The following ALDH1L1 variants were observed in gnomAD, a reference collection of about 807,000 sequenced individuals.
The protein encoded by ALDH1L1 is aldehyde dehydrogenase 1 family member L1, also known as cytosolic 10-formyltetrahydrofolate dehydrogenase.
ALDH1L1 carries 68 observed loss-of-function variants against 101.1 expected under a neutral mutation model. The ratio of observed to expected loss-of-function variants is 0.67; its 90% CI spans 0.55 to 0.82. ALDH1L1 has a LOEUF of 0.82. ALDH1L1 is among the 40% of genes least tolerant of loss of function. The pLI is 0.00. For synonymous variants in ALDH1L1, 486 were observed against 470.8 expected (o/e 1.03, Z -0.42); for missense variants, 1,087 against 1,172.7 (o/e 0.93, Z 1.07).
intron 1 of ALDH1L1, among the ~76,000 whole-genome samples, chr3:126,164,348 G>T (rs1453257565): frequency 6.6e-6 from 1 of 152,194 alleles, no homozygotes; most frequent in Non-Finnish European, 1.5e-5. Flanking sequence ...AGTAAGCACA[G>T]TACCCAACGG....
At chr3:126,146,073 C>T (rs922930913) in intron 9 of ALDH1L1, among the ~76,000 whole-genome samples, 2 of 152,300 alleles carry the variant, frequency 1.3e-5, no homozygotes, top group East Asian at 3.9e-4. Flanking sequence ...AGGCCCAACT[C>T]AGCCCACTCA....
chr3:126,180,921 C>G, upstream of ALDH1L1: 1 of 1,608,036 alleles, frequency 6.2e-7, no homozygotes, highest in Non-Finnish European at 8.5e-7. Flanking sequence ...CGGTGACTCA[C>G]TCACTCGCTC....
chr3:126,118,910 C>T (rs1868131), intron 16 of ALDH1L1, among the ~76,000 whole-genome samples: 55,422 of 151,902 alleles, frequency 0.36, 10,873 homozygotes, highest in Non-Finnish European at 0.44. Flanking sequence ...CTGTCCCCAA[C>T]CTGGCTAAGT....
At chr3:126,159,909 C>T (rs1432328691) in intron 2 of ALDH1L1, among the ~76,000 whole-genome samples, 1 of 152,180 alleles carries the variant, frequency 6.6e-6, no homozygotes, top group Non-Finnish European at 1.5e-5. Context: ...CTTTCCTTAA[C>T]AAACTACACC....
intron 2 of ALDH1L1, among the ~76,000 whole-genome samples, chr3:126,159,904 C>T: frequency 6.6e-6 from 1 of 152,152 alleles, no homozygotes; most frequent in East Asian, 1.9e-4. Context: ...ACTGGCTTTC[C>T]TTAACAAACT....
intron 10 of ALDH1L1, 122 bp from the exon 11 acceptor site, chr3:126,137,005 T>C: frequency 2.2e-6 from 3 of 1,388,886 alleles, no homozygotes; most frequent in Non-Finnish European, 2.9e-6. Flanking sequence ...GAGCTGCATG[T>C]AGGCAACAGC....
chr3:126,112,890 A>G lies in ALDH1L1; in HGVS notation c.2083-10T>C. 6.2e-7 allele frequency: 1 copy of G among 1,612,032 alleles called. No homozygotes were observed. Among genetic ancestry groups the G allele is most frequent in the South Asian group, 1.1e-5 (1 of 91,076 alleles). ...AAACAGAACTCATCCCCTTCAGAGA[A>G]TGGACAAGAACACCAGGTCACTGCT... On this transcript the variant is annotated splice_polypyrimidine_tract_variant and intron_variant, in intron 18 of 22. Transcript: ENST00000393434.
At chr3:126,136,193 T>C (rs2080439912) in intron 11 of ALDH1L1, among the ~76,000 whole-genome samples, 1 of 152,222 alleles carries the variant, frequency 6.6e-6, no homozygotes, top group South Asian at 2.1e-4. Context: ...GTGTGCTCTC[T>C]GTCTTCTGCA....
chr3:126,176,366 A>G (rs1259869618), intron 1 of ALDH1L1, among the ~76,000 whole-genome samples: 4 of 152,198 alleles, frequency 2.6e-5, no homozygotes, highest in African/African-American at 9.7e-5. Context: ...AAGACCTGGG[A>G]TAGTCAACAC....
Position 126,131,420 on chromosome 3 carries a change from G to GGTC in ALDH1L1, c.1584_1586dup (p.Thr529dup). 2.5e-6 allele frequency: 4 copies of GGTC among 1,611,596 alleles called. No homozygotes were observed. Among genetic ancestry groups the GGTC allele is most frequent in the Non-Finnish European group, 3.4e-6 (4 of 1,177,948 alleles). The stretch of plus-strand genomic sequence containing the variant: ...CACACCAGCCAGCAAAGTAGCGGAA[G>GGTC]GTCTGGATGGACATGCCCACGTGGG... On this transcript the variant is annotated inframe_insertion, in exon 13 of 23. Coordinates refer to ENST00000393434, the MANE Select transcript of ALDH1L1 (RefSeq NM_012190.4).
intron 7 of ALDH1L1, chr3:126,151,668 C>T (rs1437596221): frequency 1.3e-5 from 2 of 152,242 alleles, no homozygotes; most frequent in Non-Finnish European, 2.9e-5. Flanking sequence ...GAATGGTACT[C>T]TGTATGCATG....
chr3:126,182,569 T>G (rs950065795), upstream of ALDH1L1, among the ~76,000 whole-genome samples: 3 of 152,114 alleles, frequency 2.0e-5, no homozygotes, highest in Non-Finnish European at 2.9e-5. Flanking sequence ...GCATGCCCTG[T>G]GTGTGGAAGG....
At position 126,121,334 on chromosome 3, in the gene ALDH1L1, T is replaced by C. The variant is rs2080076084; in HGVS notation, c.1888+3030A>G. Among the ~76,000 whole-genome samples the C allele has an allele frequency of 2.0e-5, 3 of 152,134 alleles. No individual in the cohort carries two copies. The South Asian group carries it at 6.2e-4, about 32-fold the overall frequency. On this transcript the variant is annotated intron_variant, in intron 16 of 22. Transcript: ENST00000393434. ...CTTGGTGACAGCAGCCCTGGCAAACTCACATACAGGCCATAGTCTCTGATC... is the reference window on the plus strand; with the variant it reads ...CTTGGTGACAGCAGCCCTGGCAAACCCACATACAGGCCATAGTCTCTGATC...
At chr3:126,125,093 C>T (rs2108220701) in intron 15 of ALDH1L1, among the ~76,000 whole-genome samples, 1 of 152,280 alleles carries the variant, frequency 6.6e-6, no homozygotes, top group East Asian at 1.9e-4. Flanking sequence ...AGGACCTTCC[C>T]AGCATGCCTG....
At chr3:126,117,881 C>G (rs1443557515) in intron 17 of ALDH1L1, 124 bp downstream of exon 17, 2 of 961,098 alleles carry the variant, frequency 2.1e-6, no homozygotes, top group Non-Finnish European at 3.2e-6. Context: ...TAGAGCCCAG[C>G]AGGGCCACGG....
chr3:126,112,348 G>A (rs548714770), intron 19 of ALDH1L1, among the ~76,000 whole-genome samples: 148 of 152,294 alleles, frequency 9.7e-4, no homozygotes, highest in African/African-American at 3.3e-3. Flanking sequence ...GTATGCCTGT[G>A]TAGGGGGATT....
At chr3:126,187,858 C>T (rs1251703720) in intron 1 of ALDH1L1, among the ~76,000 whole-genome samples, 1 of 151,908 alleles carries the variant, frequency 6.6e-6, no homozygotes, top group Non-Finnish European at 1.5e-5. Flanking sequence ...GGTGAGGAGT[C>T]TGAACGAGAG....
intron 20 of ALDH1L1, among the ~76,000 whole-genome samples, chr3:126,107,679 G>A (rs1945929774): frequency 6.6e-6 from 1 of 152,200 alleles, no homozygotes; most frequent in African/African-American, 2.4e-5. Flanking sequence ...GTAGGAGGAG[G>A]TGAGAGGGGA....
At chr3:126,153,726 CCT>C in intron 6 of ALDH1L1, 145 bp from the exon 7 acceptor site, 8 of 1,060,286 alleles carry the variant, frequency 7.5e-6, no homozygotes, top group Non-Finnish European at 1.1e-5. Flanking sequence ...CCATGTGACC[CCT>C]GAGGCCCTTT....
Sources: allele counts gnomAD v4.1 joint callset (sites outside exome capture counted in the v4.1 genomes callset), GRCh38; gene constraint gnomAD v4.1.1; transcripts MANE v1.5; gene names NCBI Gene and HGNC (gene_info 2026-07-23, HGNC 2026-07-21).